Variants in PARD3 observed in about 807,000 individuals in gnomAD.
The protein encoded by PARD3 is par-3 family cell polarity regulator.
In PARD3, 75 loss-of-function variants were observed where a neutral mutation model predicts 155.4. That is an observed-to-expected ratio of 0.48 (90% CI 0.40 to 0.58). PARD3 has a LOEUF of 0.58. Among genes scored for constraint, PARD3 ranks in the 20% least tolerant of loss-of-function variants. The probability of loss-of-function intolerance (pLI) is 0.00; values close to 1 mark genes in which losing one functional copy is unlikely to be tolerated. For synonymous variants in PARD3, 576 were observed against 610.5 expected, an observed-to-expected ratio of 0.94 and a Z score of 0.83; for missense variants, 1,642 against 1,721.7, an observed-to-expected ratio of 0.95 and a Z score of 0.82.
chr10:34,558,757 C>T (rs1232496107), intron 2 of PARD3, among the ~76,000 whole-genome samples: 1 of 152,110 alleles, frequency 6.6e-6, no homozygotes, highest in African/African-American at 2.4e-5. Context: ...ATGGTGAAAC[C>T]CCACAGATCT....
intron 23 of PARD3, among the ~76,000 whole-genome samples, chr10:34,121,865 A>G (rs1947022464): frequency 6.6e-6 from 1 of 152,234 alleles, no homozygotes; most frequent in African/African-American, 2.4e-5. Flanking sequence ...GCTTCACAAC[A>G]CCGTTCAAAT....
chr10:34,708,425 T>G (rs1441205630), intron 1 of PARD3, among the ~76,000 whole-genome samples: 1 of 152,204 alleles, frequency 6.6e-6, no homozygotes, highest in East Asian at 1.9e-4. Flanking sequence ...CATTGGTAAG[T>G]TTTCTGAATG....
chr10:34,596,472 C>A (rs1431061173), intron 2 of PARD3, among the ~76,000 whole-genome samples: 1 of 152,148 alleles, frequency 6.6e-6, no homozygotes, highest in Non-Finnish European at 1.5e-5. Context: ...CACCTCTTCA[C>A]AAGATAGCAC....
intron 2 of PARD3, among the ~76,000 whole-genome samples, chr10:34,581,529 C>G (rs917781883): frequency 6.6e-6 from 1 of 152,036 alleles, no homozygotes; most frequent in Non-Finnish European, 1.5e-5. Context: ...CCACCGCGCC[C>G]GGCCTATTTA....
intron 1 of PARD3, among the ~76,000 whole-genome samples, chr10:34,707,244 CAAAA>C (rs774551239): frequency 9.7e-6 from 1 of 102,882 alleles, no homozygotes. Flanking sequence ...GACCCTGTCT[CAAAA>C]AAAAAAAAAG....
chr10:34,512,241 G>A (rs1399105146), intron 3 of PARD3, among the ~76,000 whole-genome samples: 1 of 152,210 alleles, frequency 6.6e-6, no homozygotes, highest in Non-Finnish European at 1.5e-5. Flanking sequence ...ACAAGGAAAC[G>A]CAGAATAGAT....
At chr10:34,257,771 C>G (rs907952849) in intron 22 of PARD3, among the ~76,000 whole-genome samples, 1 of 152,150 alleles carries the variant, frequency 6.6e-6, no homozygotes, top group Non-Finnish European at 1.5e-5. Flanking sequence ...ATTGTGGTTT[C>G]GGGCAATGTT....
At chr10:34,775,056 T>C (rs1839367925) in intron 1 of PARD3, among the ~76,000 whole-genome samples, 1 of 152,190 alleles carries the variant, frequency 6.6e-6, no homozygotes, top group African/African-American at 2.4e-5. Flanking sequence ...ACAAAAAATA[T>C]GAGCAAAAGT....
intron 22 of PARD3, among the ~76,000 whole-genome samples, chr10:34,239,531 G>A (rs905583963): frequency 4.6e-5 from 7 of 152,134 alleles, no homozygotes; most frequent in African/African-American, 1.7e-4. Flanking sequence ...GCCTGGTATG[G>A]TGGCTCATGC....
intron 1 of PARD3, among the ~76,000 whole-genome samples, chr10:34,697,554 A>G (rs140642125): frequency 1.3e-5 from 2 of 152,316 alleles, no homozygotes; most frequent in African/African-American, 4.8e-5. Context: ...AGTATCACTG[A>G]AACGGAACAC....
intron 22 of PARD3, among the ~76,000 whole-genome samples, chr10:34,239,672 G>A (rs1953453909): frequency 1.3e-5 from 2 of 152,026 alleles, no homozygotes; most frequent in African/African-American, 4.8e-5. Flanking sequence ...GCATGGTGAC[G>A]TGTGCCTGTG....
chr10:34,412,164 T>G (rs1034061509), intron 5 of PARD3, among the ~76,000 whole-genome samples: 1 of 152,050 alleles, frequency 6.6e-6, no homozygotes, highest in African/African-American at 2.4e-5. Flanking sequence ...GGTCTCAGTA[T>G]GCTGCCCATT....
chr10:34,437,244 A>G (rs2076236258), intron 5 of PARD3, among the ~76,000 whole-genome samples: 1 of 152,068 alleles, frequency 6.6e-6, no homozygotes, highest in Admixed American at 6.6e-5. Context: ...AAAACAAAAA[A>G]TCCTCTATAG....
At chr10:34,225,078 A>G (rs1421821518) in intron 22 of PARD3, among the ~76,000 whole-genome samples, 1 of 152,218 alleles carries the variant, frequency 6.6e-6, no homozygotes, top group East Asian at 1.9e-4. Flanking sequence ...ATTTAACCAA[A>G]AATATTTTAG....
intron 1 of PARD3, among the ~76,000 whole-genome samples, chr10:34,802,994 G>A (rs981650903): frequency 2.0e-5 from 3 of 151,492 alleles, no homozygotes; most frequent in Admixed American, 2.0e-4. Flanking sequence ...GGGAAGCCAA[G>A]GCGGGTGGAT....
intron 4 of PARD3, 132 bp downstream of exon 4, chr10:34,469,953 G>A: frequency 1.6e-6 from 1 of 618,256 alleles, no homozygotes. Flanking sequence ...ATGAAAGTTG[G>A]TACCACGCTC....
At chr10:34,352,276 C>A (rs908658016) in intron 14 of PARD3, among the ~76,000 whole-genome samples, 25 of 152,214 alleles carry the variant, frequency 1.6e-4, no homozygotes, top group Non-Finnish European at 3.4e-4. Context: ...CCACTCCAGT[C>A]TCGTTTAAAA....
intron 2 of PARD3, among the ~76,000 whole-genome samples, chr10:34,694,545 A>T (rs978020085): frequency 7.2e-5 from 10 of 138,004 alleles, no homozygotes; most frequent in African/African-American, 1.9e-4. Flanking sequence ...ATCTCAGCTC[A>T]CTGCAAGCTC....
chr10:34,176,574 C>A (rs1480432409), intron 22 of PARD3, among the ~76,000 whole-genome samples: 1 of 152,196 alleles, frequency 6.6e-6, no homozygotes, highest in Non-Finnish European at 1.5e-5. Context: ...GACTTTGTCT[C>A]TGGGGCAGCT....
Sources: gnomAD v4.1 joint callset for allele counts (sites outside exome capture counted in the v4.1 genomes callset) on GRCh38, gnomAD v4.1.1 for gene constraint, MANE v1.5 for transcripts, NCBI Gene and HGNC (gene_info 2026-07-23, HGNC 2026-07-21) for gene names.